KCNK10: variants seen among roughly 807,000 people sequenced by gnomAD.
KCNK10 encodes potassium channel subfamily K member 10.
KCNK10 carries 25 observed loss-of-function variants against 47.7 expected under a neutral mutation model. That is an observed-to-expected ratio of 0.52 (90% CI 0.38 to 0.73). The LOEUF is 0.73. KCNK10 is among the 30% of genes least tolerant of loss of function. The probability of loss-of-function intolerance (pLI) is 0.00; values close to 1 mark genes in which losing one functional copy is unlikely to be tolerated. For missense variants in KCNK10, 563 were observed against 714.5 expected (o/e 0.79, Z 2.42); for synonymous variants, 303 against 285.6 (o/e 1.06, Z -0.61).
At chr14:88,303,700 A>T (rs1203091728) in intron 1 of KCNK10, among the ~76,000 whole-genome samples, 1 of 152,162 alleles carries the variant, frequency 6.6e-6, no homozygotes, top group African/African-American at 2.4e-5. Flanking sequence ...TCTAGAGAGG[A>T]ATCAAGGTGG....
At chr14:88,253,890 G>A (rs551973741) in intron 2 of KCNK10, among the ~76,000 whole-genome samples, 10 of 152,212 alleles carry the variant, frequency 6.6e-5, no homozygotes, top group East Asian at 1.9e-4. Flanking sequence ...AGAGTGAGAC[G>A]CCATCTTGGG....
At chr14:88,280,050 G>A (rs1304522558) in intron 1 of KCNK10, among the ~76,000 whole-genome samples, 2 of 152,144 alleles carry the variant, frequency 1.3e-5, no homozygotes, top group Non-Finnish European at 2.9e-5. Context: ...CCCGGTCTTG[G>A]TTATGTCTTT....
rs1423419777 is a variant in KCNK10, at chr14:88,260,277, C to T, written c.402+2925G>A. Among the ~76,000 whole-genome samples, 2 of 152,156 alleles carry T rather than the reference C, an allele frequency of 1.3e-5. No homozygotes were observed. Among genetic ancestry groups the T allele is most frequent in the Non-Finnish European group, 2.9e-5 (2 of 68,036 alleles). On this transcript the variant is annotated intron_variant, in intron 2 of 6. Transcript: ENST00000319231. The surrounding 1 kb of genome is among the most constrained non-coding windows in gnomAD (Gnocchi z 4.5). ...TTGTTTAAAAGTGTGTAGCATCCCT[C>T]CCTTTGCTCTCTCTTCCTCCTGCTC...
At chr14:88,187,162 G>A (rs1884592258) in intron 6 of KCNK10, among the ~76,000 whole-genome samples, 1 of 152,150 alleles carries the variant, frequency 6.6e-6, no homozygotes, top group African/African-American at 2.4e-5. Context: ...ATGGGCCCAG[G>A]AAACTGATGT....
chr14:88,232,208 T>C (rs1013615985), intron 3 of KCNK10, among the ~76,000 whole-genome samples: 3 of 152,192 alleles, frequency 2.0e-5, no homozygotes, highest in Non-Finnish European at 2.9e-5. Context: ...GTGGATCCAA[T>C]AGAAACCATC....
At chr14:88,213,257 A>T (rs1008349867) in intron 4 of KCNK10, among the ~76,000 whole-genome samples, 3 of 152,180 alleles carry the variant, frequency 2.0e-5, no homozygotes, top group African/African-American at 4.8e-5. Flanking sequence ...TGCTTGGCTC[A>T]CAGAAGTAAC....
intron 2 of KCNK10, among the ~76,000 whole-genome samples, chr14:88,247,012 C>A (rs1201560619): frequency 6.6e-6 from 1 of 152,178 alleles, no homozygotes; most frequent in Admixed American, 6.5e-5. Context: ...CTGCTGCCCC[C>A]AAGGGACTCA....
At chr14:88,235,260 C>T (rs1486843186) in intron 3 of KCNK10, 1 of 456,532 alleles carries the variant, frequency 2.2e-6, no homozygotes, top group South Asian at 1.5e-5. Flanking sequence ...AAAGCTGGTC[C>T]AGGAATATCC....
chr14:88,279,761 AC>A (rs1887606895), intron 1 of KCNK10, among the ~76,000 whole-genome samples: 1 of 152,056 alleles, frequency 6.6e-6, no homozygotes, highest in South Asian at 2.1e-4. Flanking sequence ...CTGTGTTCCC[AC>A]CCAAGTCTCA....
chr14:88,215,833 T>C (rs565962715), intron 4 of KCNK10, among the ~76,000 whole-genome samples: 1 of 152,316 alleles, frequency 6.6e-6, no homozygotes, highest in South Asian at 2.1e-4. Flanking sequence ...GGCAGTATTT[T>C]AAGTAGTTCT....
At position 88,297,953 on chromosome 14, in the gene KCNK10, T is replaced by C. The variant is rs529247362; in HGVS notation, c.52+24794A>G. Among the ~76,000 whole-genome samples the C allele has an allele frequency of 1.8e-3, 275 of 152,374 alleles. 1 individual carries two copies. Among genetic ancestry groups the C allele is most frequent in the African/African-American group, 6.3e-3 (261 of 41,584 alleles). On this transcript the variant is annotated intron_variant, in intron 1 of 6. Coordinates refer to ENST00000319231, the MANE Select transcript of KCNK10 (RefSeq NM_138317.3). Reference sequence around the variant, plus strand: ...CAGTGGGAATACCAAATCTCAAAGCTGCTCGTTATGCGTTCATCTGCTCTT... The same window carrying C: ...CAGTGGGAATACCAAATCTCAAAGCCGCTCGTTATGCGTTCATCTGCTCTT...
intron 4 of KCNK10, among the ~76,000 whole-genome samples, chr14:88,194,009 T>TA (rs1884832098): frequency 1.3e-5 from 2 of 152,216 alleles, no homozygotes; most frequent in South Asian, 4.2e-4. Flanking sequence ...TCCTTCCTTG[T>TA]AAAAAGGAGG....
intron 2 of KCNK10, among the ~76,000 whole-genome samples, chr14:88,242,580 T>C (rs1886511640): frequency 6.6e-6 from 1 of 152,194 alleles, no homozygotes; most frequent in South Asian, 2.1e-4. Context: ...CCACTGTTTC[T>C]AGCAAAACCT....
intron 4 of KCNK10, among the ~76,000 whole-genome samples, chr14:88,223,224 C>T (rs924449143): frequency 6.6e-6 from 1 of 152,076 alleles, no homozygotes; most frequent in Admixed American, 6.5e-5. Context: ...CTTGGACTGG[C>T]ATCACCCTTG....
chr14:88,203,157 G>A (rs1885156841), intron 4 of KCNK10, among the ~76,000 whole-genome samples: 1 of 152,144 alleles, frequency 6.6e-6, no homozygotes, highest in Non-Finnish European at 1.5e-5. Flanking sequence ...CAGTCACAAG[G>A]ATGGTTCTTG....
intron 1 of KCNK10, among the ~76,000 whole-genome samples, chr14:88,294,194 A>G (rs749161448): frequency 3.9e-5 from 6 of 152,184 alleles, no homozygotes; most frequent in Non-Finnish European, 7.3e-5. Flanking sequence ...CCCAATCACC[A>G]CCATGATAAT....
chr14:88,240,214 TC>T (rs1403531867), intron 3 of KCNK10, among the ~76,000 whole-genome samples: 12 of 152,160 alleles, frequency 7.9e-5, no homozygotes, highest in Non-Finnish European at 1.6e-4. Flanking sequence ...AACTGAAAAT[TC>T]CAGAAGTAGC....
chr14:88,205,517 G>A (rs1262549365), intron 4 of KCNK10, among the ~76,000 whole-genome samples: 1 of 150,294 alleles, frequency 6.7e-6, no homozygotes, highest in Non-Finnish European at 1.5e-5. Context: ...GCCTGGCACA[G>A]TGCATTTTTC....
intron 3 of KCNK10, among the ~76,000 whole-genome samples, chr14:88,238,046 C>CTTCTGGATAA (rs1886346771): frequency 1.3e-5 from 2 of 152,184 alleles, no homozygotes; most frequent in South Asian, 4.1e-4. Context: ...TTAGCTAGAC[C>CTTCTGGATAA]TTCTGGATAA....
Sources: gnomAD v4.1 joint callset for allele counts (sites outside exome capture counted in the v4.1 genomes callset) on GRCh38, gnomAD v4.1.1 for gene constraint, Gnocchi (gnomAD v3.1) non-coding constraint, MANE v1.5 for transcripts, NCBI Gene and HGNC (gene_info 2026-07-23, HGNC 2026-07-21) for gene names.